The following NELL1 variants were observed in gnomAD, a reference collection of about 807,000 sequenced individuals.
NELL1 encodes the protein protein kinase C-binding protein NELL1.
A neutral mutation model predicts 107.4 loss-of-function variants in NELL1; 76 were observed. The observed-to-expected ratio is 0.71, with a 90% CI of 0.59 to 0.86. NELL1 has a LOEUF of 0.86. Ranked by LOEUF, NELL1 falls within the 40% of genes least tolerant of loss-of-function variation. NELL1 has a pLI of 0.00. For synonymous variants in NELL1, 353 were observed against 341.2 expected (o/e 1.03, Z -0.38); for missense variants, 1,024 against 1,005.5 (o/e 1.02, Z -0.25).
At chr11:21,346,925 T>C (rs570499548) in intron 14 of NELL1, among the ~76,000 whole-genome samples, 1 of 152,192 alleles carries the variant, frequency 6.6e-6, no homozygotes, top group Non-Finnish European at 1.5e-5. Context: ...TAACGTGGCA[T>C]ACAATAATAA....
At chr11:20,976,927 CATAA>C (rs1280594584) in intron 12 of NELL1, among the ~76,000 whole-genome samples, 2 of 151,776 alleles carry the variant, frequency 1.3e-5, no homozygotes. Context: ...GTTTCTCTTC[CATAA>C]TTTACTGAAC....
intron 12 of NELL1, among the ~76,000 whole-genome samples, chr11:21,088,593 A>G: frequency 6.6e-6 from 1 of 152,190 alleles, no homozygotes; most frequent in Non-Finnish European, 1.5e-5. Context: ...AACTTTACAC[A>G]CCATCTTATA....
chr11:21,009,693 T>C (rs1051880762), intron 12 of NELL1, among the ~76,000 whole-genome samples: 7 of 152,220 alleles, frequency 4.6e-5, no homozygotes, highest in Admixed American at 1.3e-4. Context: ...CTTGATTATA[T>C]ATGATATCTC....
At chr11:21,340,784 T>A (rs1448983560) in intron 14 of NELL1, among the ~76,000 whole-genome samples, 3 of 152,068 alleles carry the variant, frequency 2.0e-5, no homozygotes. Context: ...TGCATGAAAA[T>A]GGCCCTCCTT....
At chr11:20,682,621 A>G (rs905503757) in intron 2 of NELL1, among the ~76,000 whole-genome samples, 1 of 152,078 alleles carries the variant, frequency 6.6e-6, no homozygotes, top group Non-Finnish European at 1.5e-5. Context: ...TGTATTCAAA[A>G]TATACAACTT....
intron 15 of NELL1, among the ~76,000 whole-genome samples, chr11:21,416,146 T>G (rs7943922): frequency 0.43 from 65,233 of 151,962 alleles, 14,993 homozygotes; most frequent in Non-Finnish European, 0.52. Flanking sequence ...TTGATGATTC[T>G]GTGCTGAGAG....
At chr11:21,020,362 T>C (rs1852668868) in intron 12 of NELL1, among the ~76,000 whole-genome samples, 1 of 152,114 alleles carries the variant, frequency 6.6e-6, no homozygotes, top group African/African-American at 2.4e-5. Context: ...ACAAGTGCTC[T>C]AAGTGAACTC....
chr11:20,847,605 G>T lies in NELL1; in HGVS notation c.358G>T (p.Gly120Cys). 1 of 1,613,616 alleles carries T rather than the reference G, an allele frequency of 6.2e-7. No homozygotes were observed. The highest frequency in any genetic ancestry group is 8.5e-7 in the Non-Finnish European group (1 of 1,179,760). Residue 120 changes from glycine to cysteine, a missense_variant, in exon 4 of 20, where the codon GGC becomes TGC. Transcript: ENST00000357134. ...EHSYFELESS[G>C]LRDEIRYHYI... is the part of the protein sequence containing the mutation. ...CAGCTATTTTGAACTGGAGAGCAGT[G>T]GCCTGAGGGATGAGATTCGGTATCA...
chr11:20,786,265 G>A (rs200642225), intron 3 of NELL1, among the ~76,000 whole-genome samples: 6 of 150,690 alleles, frequency 4.0e-5, no homozygotes, highest in East Asian at 3.9e-4. Context: ...CAGGAGAATC[G>A]CTTGAACTCA....
At chr11:20,996,868 C>G (rs2134266440) in intron 12 of NELL1, among the ~76,000 whole-genome samples, 1 of 152,246 alleles carries the variant, frequency 6.6e-6, no homozygotes, top group African/African-American at 2.4e-5. Context: ...GTCCTTAACA[C>G]CTTTGTTCTC....
At chr11:20,830,707 A>T (rs1368993345) in intron 3 of NELL1, among the ~76,000 whole-genome samples, 2 of 152,190 alleles carry the variant, frequency 1.3e-5, no homozygotes, top group Non-Finnish European at 2.9e-5. Flanking sequence ...TGCATTTCCA[A>T]GGTAGACAGG....
intron 10 of NELL1, among the ~76,000 whole-genome samples, chr11:20,945,449 G>A (rs182703617): frequency 6.6e-6 from 1 of 152,192 alleles, no homozygotes; most frequent in African/African-American, 2.4e-5. Flanking sequence ...ATTGCCCAAG[G>A]GCAGTGCTCT....
intron 13 of NELL1, among the ~76,000 whole-genome samples, chr11:21,125,502 T>C (rs767323692): frequency 2.7e-4 from 41 of 152,248 alleles, no homozygotes; most frequent in Non-Finnish European, 5.1e-4. Context: ...TTCTGTAAGA[T>C]ATGGTTTCTG....
chr11:20,722,827 A>G (rs1252274730), intron 2 of NELL1, among the ~76,000 whole-genome samples: 2 of 152,214 alleles, frequency 1.3e-5, no homozygotes, highest in Non-Finnish European at 2.9e-5. Context: ...CACTGCTATA[A>G]AGATACTACC....
chr11:21,356,262 G>C (rs1335663465), intron 14 of NELL1, among the ~76,000 whole-genome samples: 1 of 152,092 alleles, frequency 6.6e-6, no homozygotes, highest in Admixed American at 6.6e-5. Context: ...CTTGAGCCCT[G>C]GTTCTGAGTA....
intron 12 of NELL1, among the ~76,000 whole-genome samples, chr11:21,084,250 G>A (rs1854336996): frequency 6.6e-6 from 1 of 152,134 alleles, no homozygotes; most frequent in South Asian, 2.1e-4. Flanking sequence ...ATCAATGTTA[G>A]TGTCAAAGAT....
chr11:21,108,491 C>T (rs1381633037), intron 12 of NELL1, among the ~76,000 whole-genome samples: 4 of 152,056 alleles, frequency 2.6e-5, no homozygotes, highest in African/African-American at 4.8e-5. Flanking sequence ...AAAATGAGCT[C>T]TAATATTTCA....
At chr11:20,755,113 G>A (rs1012044362) in intron 2 of NELL1, among the ~76,000 whole-genome samples, 1 of 152,162 alleles carries the variant, frequency 6.6e-6, no homozygotes, top group East Asian at 1.9e-4. Flanking sequence ...TCCCTGCAGG[G>A]GAGGGAAGAA....
intron 12 of NELL1, among the ~76,000 whole-genome samples, chr11:21,046,980 G>T (rs531967953): frequency 1.3e-3 from 200 of 151,788 alleles, no homozygotes; most frequent in African/African-American, 4.5e-3. Flanking sequence ...GCCCCTCAAA[G>T]TGTTGGGATT....
Sources: gnomAD v4.1 joint callset for allele counts (sites outside exome capture counted in the v4.1 genomes callset) on GRCh38, gnomAD v4.1.1 for gene constraint, MANE v1.5 for transcripts, NCBI Gene and HGNC (gene_info 2026-07-23, HGNC 2026-07-21) for gene names.